SIK3: variants seen among roughly 807,000 people sequenced by gnomAD.
SIK3 encodes the protein serine/threonine-protein kinase SIK3.
A neutral mutation model predicts 144.2 loss-of-function variants in SIK3; 28 were observed. The ratio of observed to expected loss-of-function variants is 0.19; its 90% CI spans 0.14 to 0.27. SIK3 has a LOEUF of 0.27. SIK3 is among the 10% of genes least tolerant of loss of function. SIK3 has a pLI of 1.00. For synonymous variants in SIK3, 686 were observed against 676.3 expected (o/e 1.01, Z -0.22); for missense variants, 1,319 against 1,776.0 (o/e 0.74, Z 4.62).
At chr11:116,980,112 G>A (rs1018188770) in intron 1 of SIK3, among the ~76,000 whole-genome samples, 3 of 152,102 alleles carry the variant, frequency 2.0e-5, no homozygotes, top group Non-Finnish European at 2.9e-5. Context: ...TTTACAAGGG[G>A]CTTATGTCCT....
At chr11:116,920,709 A>G (rs553101388) in intron 4 of SIK3, among the ~76,000 whole-genome samples, 5 of 152,202 alleles carry the variant, frequency 3.3e-5, no homozygotes, top group African/African-American at 9.6e-5. Flanking sequence ...CCTCAATACA[A>G]TATTTATGTC....
chr11:117,051,839 T>TA (rs986295616), intron 1 of SIK3, among the ~76,000 whole-genome samples: 19 of 151,970 alleles, frequency 1.3e-4, no homozygotes, highest in Admixed American at 5.2e-4. Context: ...TATAGAGGTT[T>TA]ATTACAGAAA....
chr11:116,965,752 T>TGGTGAAAACCCGTCTCTGCTA (rs1565507515), intron 1 of SIK3, among the ~76,000 whole-genome samples: 53 of 20,116 alleles, frequency 2.6e-3, no homozygotes, highest in African/African-American at 6.0e-3. Flanking sequence ...TATATATATA[T>TGGTGAAAACCCGTCTCTGCTA]ATATATATAT....
intron 3 of SIK3, among the ~76,000 whole-genome samples, chr11:116,951,125 C>G (rs1371472319): frequency 6.6e-6 from 1 of 152,178 alleles, no homozygotes; most frequent in Non-Finnish European, 1.5e-5. Context: ...TTACCTTATA[C>G]AGACCTGGAA....
Position 116,918,644 on chromosome 11 carries a change from C to T in SIK3, c.616+8575G>A, listed in dbSNP as rs1008160851. On this transcript the variant is annotated intron_variant, in intron 4 of 24. Coordinates refer to ENST00000445177, the MANE Select transcript of SIK3 (RefSeq NM_001366686.3). Reference sequence around the variant, plus strand: ...GCATCAAATTCTTGATTCTCAGCTTCTCAGGCTGGCCTCTGTTTACACAGC... The same window carrying T: ...GCATCAAATTCTTGATTCTCAGCTTTTCAGGCTGGCCTCTGTTTACACAGC... Among the ~76,000 whole-genome samples, 12 of 152,190 alleles carry T rather than the reference C, an allele frequency of 7.9e-5. No homozygotes were observed. The East Asian group carries it at 2.3e-3, about 29-fold the overall frequency.
intron 6 of SIK3, among the ~76,000 whole-genome samples, chr11:116,880,027 G>A (rs1292058973): frequency 2.6e-5 from 4 of 152,112 alleles, no homozygotes; most frequent in Non-Finnish European, 5.9e-5. Flanking sequence ...GCACTCTCCT[G>A]TTTTCCTTTG....
intron 1 of SIK3, among the ~76,000 whole-genome samples, chr11:117,006,553 T>C (rs1360890931): frequency 6.6e-6 from 1 of 152,046 alleles, no homozygotes; most frequent in Admixed American, 6.6e-5. Context: ...TTCCCAGCAC[T>C]TTGGGAGGCA....
intron 1 of SIK3, among the ~76,000 whole-genome samples, chr11:117,019,977 A>C (rs1256197714): frequency 6.6e-6 from 1 of 152,050 alleles, no homozygotes; most frequent in African/African-American, 2.4e-5. Flanking sequence ...GAGCTACACT[A>C]TTTGTACTTG....
intron 1 of SIK3, among the ~76,000 whole-genome samples, chr11:116,982,979 C>T (rs566747587): frequency 8.1e-5 from 12 of 147,242 alleles, no homozygotes; most frequent in African/African-American, 2.8e-4. Context: ...ATTTCTGACC[C>T]GAGGGGATTT....
At chr11:117,037,960 A>T (rs912141377) in intron 1 of SIK3, among the ~76,000 whole-genome samples, 2 of 152,214 alleles carry the variant, frequency 1.3e-5, no homozygotes, top group Non-Finnish European at 2.9e-5. Context: ...TCATAAAATC[A>T]TACCACTTTA....
intron 4 of SIK3, among the ~76,000 whole-genome samples, chr11:116,916,007 A>G (rs1289636654): frequency 6.6e-6 from 1 of 152,220 alleles, no homozygotes; most frequent in Non-Finnish European, 1.5e-5. Flanking sequence ...CTCTCAAACT[A>G]TTCCATTTAA....
At chr11:117,009,232 C>CAA (rs397848244) in intron 1 of SIK3, among the ~76,000 whole-genome samples, 8 of 78,494 alleles carry the variant, frequency 1.0e-4, no homozygotes, top group East Asian at 7.0e-4. Context: ...GACACTGTCT[C>CAA]AAAAAAAAAA....
chr11:116,913,784 C>T (rs1214139140), intron 4 of SIK3, among the ~76,000 whole-genome samples: 4 of 151,952 alleles, frequency 2.6e-5, no homozygotes, highest in East Asian at 1.9e-4. Flanking sequence ...GAATCAGTGT[C>T]CCCTTAAATT....
At chr11:116,999,798 CCTA>C (rs1051534628) in intron 1 of SIK3, among the ~76,000 whole-genome samples, 16 of 152,128 alleles carry the variant, frequency 1.1e-4, no homozygotes, top group African/African-American at 3.9e-4. Flanking sequence ...CTTGTTTTGA[CCTA>C]CTATTATTTC....
intron 1 of SIK3, among the ~76,000 whole-genome samples, chr11:116,994,942 C>CT (rs1195775138): frequency 1.3e-5 from 2 of 151,330 alleles, no homozygotes; most frequent in East Asian, 3.9e-4. Context: ...CTCACCTCTA[C>CT]TTTCACTCCT....
chr11:116,924,124 C>T (rs1171888786), intron 4 of SIK3, among the ~76,000 whole-genome samples: 1 of 151,860 alleles, frequency 6.6e-6, no homozygotes, highest in Admixed American at 6.6e-5. Flanking sequence ...TAAAACTCGT[C>T]TCTGCTAAAA....
intron 1 of SIK3, among the ~76,000 whole-genome samples, chr11:116,957,699 T>C (rs1044803213): frequency 1.1e-4 from 16 of 152,158 alleles, no homozygotes; most frequent in African/African-American, 3.4e-4. Context: ...CACCTTATCA[T>C]TAACCTTGCT....
At chr11:116,916,796 CA>C (rs34262569) in intron 4 of SIK3, among the ~76,000 whole-genome samples, 11,625 of 129,664 alleles carry the variant, frequency 0.09, 505 homozygotes, top group African/African-American at 0.13. Context: ...AGGTGTGAGC[CA>C]AAAAAAAAAA....
chr11:116,900,779 T>C (rs1945691286), intron 4 of SIK3, among the ~76,000 whole-genome samples: 1 of 152,212 alleles, frequency 6.6e-6, no homozygotes, highest in African/African-American at 2.4e-5. Context: ...TGTCAATGGC[T>C]TCCTCCTCCG....
Sources: gnomAD v4.1 joint callset for allele counts (sites outside exome capture counted in the v4.1 genomes callset) on GRCh38, gnomAD v4.1.1 for gene constraint, MANE v1.5 for transcripts, NCBI Gene and HGNC (gene_info 2026-07-23, HGNC 2026-07-21) for gene names.